DMPK: variants seen among roughly 807,000 people sequenced by gnomAD.
DMPK encodes the protein DM1 protein kinase, also known as myotonin-protein kinase.
In DMPK, 32 loss-of-function variants were observed where a neutral mutation model predicts 70.3. That is an observed-to-expected ratio of 0.46 (90% CI 0.34 to 0.61). DMPK has a LOEUF of 0.61. DMPK is among the 20% of genes least tolerant of loss of function. The pLI is 0.01. For synonymous variants in DMPK, 469 were observed against 390.9 expected (o/e 1.20, Z -2.36); for missense variants, 899 against 886.0 (o/e 1.01, Z -0.19).
chr19:45,770,133 C>CA lies in DMPK; in HGVS notation c.*354dup. 1 of 671,446 alleles carries CA rather than the reference C, an allele frequency of 1.5e-6. No individual in the cohort carries two copies. The highest frequency in any genetic ancestry group is 2.6e-6 in the Non-Finnish European group (1 of 390,414). 41.6% of individuals were successfully genotyped at this position (671,446 alleles called of 1,614,324 possible). On this transcript the variant is annotated 3_prime_UTR_variant, in exon 15 of 15. Transcript: ENST00000291270. ...CGGACGGCCCGGCTTGCTGCCTTCC[C>CA]AGGCCTGCAGTTTGCCCATCCACGT...
intron 8 of DMPK, chr19:45,776,699 A>G (rs939779494): frequency 6.6e-6 from 1 of 152,406 alleles, no homozygotes; most frequent in Non-Finnish European, 1.5e-5. Flanking sequence ...GGCTCAAGCA[A>G]TCCACCCACT....
chr19:45,770,188 A>G lies in DMPK; in HGVS notation c.*300T>C. The G allele has an allele frequency of 1.4e-6, 1 of 691,930 alleles. No individual in the cohort carries two copies. Among genetic ancestry groups the G allele is most frequent in the Non-Finnish European group, 2.3e-6 (1 of 426,976 alleles). 42.9% of individuals were successfully genotyped at this position (691,930 alleles called of 1,614,324 possible). A position where few individuals can be genotyped will look rare whatever the true frequency, so the allele number is the denominator to read the frequency against. On this transcript the variant is annotated 3_prime_UTR_variant, in exon 15 of 15. Coordinates refer to ENST00000291270, the MANE Select transcript of DMPK (RefSeq NM_004409.5). The stretch of plus-strand genomic sequence containing the variant: ...GCCTCAGCCTGGCCGAAAGAAAGAA[A>G]TGGTCTGTGATCCCCCCAGCAGCAG...
At chr19:45,774,643 C>T (rs1036426849) in intron 9 of DMPK, among the ~76,000 whole-genome samples, 1 of 152,104 alleles carries the variant, frequency 6.6e-6, no homozygotes, top group Non-Finnish European at 1.5e-5. Flanking sequence ...TTGTAAAAGT[C>T]TAAACTTCAT....
chr19:45,770,857 G>A (rs1395982978), intron 14 of DMPK, 114 bp downstream of exon 14: 9 of 1,012,938 alleles, frequency 8.9e-6, no homozygotes, highest in South Asian at 3.4e-5. Flanking sequence ...GCTGCCCGAA[G>A]ATCCGCCCTC....
chr19:45,779,695 TTCA>T, intron 2 of DMPK, 80 bp downstream of exon 2: 1 of 1,529,328 alleles, frequency 6.5e-7, no homozygotes, highest in South Asian at 1.3e-5. Flanking sequence ...GGCTCGGTCA[TTCA>T]TCAATTTCTA....
Position 45,771,560 on chromosome 19 carries a change from G to A in DMPK, c.1600+8C>T, listed in dbSNP as rs748532051. 3.1e-6 allele frequency: 5 copies of A among 1,613,902 alleles called. No homozygotes were observed. The highest frequency in any genetic ancestry group is 2.2e-5 in the South Asian group (2 of 91,076). ...TCCTCCGGGGAAGGGGACACATGAG[G>A]GACTCACCTGTGGCTCCCTCTGCCT... On this transcript the variant is annotated splice_region_variant and intron_variant, in intron 12 of 14. Coordinates refer to ENST00000291270, the MANE Select transcript of DMPK (RefSeq NM_004409.5).
At chr19:45,772,028 C>CT in intron 10 of DMPK, 100 bp from the exon 11 acceptor site, 1 of 1,397,996 alleles carries the variant, frequency 7.2e-7, no homozygotes, top group Non-Finnish European at 9.4e-7. Context: ...TCCCCTACTC[C>CT]TCCGTCCCCT....
In DMPK at chr19:45,770,007, C is replaced by CA. The variant is rs1319247770; in HGVS notation, c.*480dup. On this transcript the variant is annotated 3_prime_UTR_variant, in exon 15 of 15. Coordinates refer to ENST00000291270, the MANE Select transcript of DMPK (RefSeq NM_004409.5). ...AAAGCAAATTTCCCGAGTAAGCAGG[C>CA]AGAGATCGCGCCAGACGCTCCCCAG... The CA allele has an allele frequency of 2.8e-6, 1 of 355,646 alleles. No homozygotes were observed. The highest frequency in any genetic ancestry group is 6.2e-5 in the East Asian group (1 of 16,102). The allele number at this position is 355,646 out of a possible 1,614,324, so 22.0% of individuals were successfully genotyped here. A position where few individuals can be genotyped will look rare whatever the true frequency, so the allele number is the denominator to read the frequency against.
intron 8 of DMPK, 175 bp from the exon 9 acceptor site, chr19:45,775,209 C>A: frequency 1.7e-6 from 1 of 573,792 alleles, no homozygotes; most frequent in Admixed American, 2.9e-5. Context: ...GCTCTGTTAC[C>A]CAGGCTGGAG....
At position 45,777,860 on chromosome 19, in the gene DMPK, A is replaced by G. The variant is rs953664488; in HGVS notation, c.689T>C (p.Val230Ala). ...LRADGTVRSL[V>A]AVGTPDYLSP... ...CAGGTAGTCTGGGGTGCCCACAGCC[A>G]CCAGCGACCGCACCTGGACCAAAAG... Residue 230 changes from valine to alanine, a missense_variant, in exon 7 of 15, where the codon GTG (valine) becomes GCG (alanine). Physicochemically the swap from Val to Ala is moderately conservative, Grantham distance 64. Around this residue, in one of 3 missense-constraint regions of DMPK, gnomAD observed 195 missense variants for 259.7 expected, o/e 0.75. Transcript: ENST00000291270. The surrounding 1 kb of genome is among the most constrained non-coding windows in gnomAD (Gnocchi z 6.7). 3.2e-5 allele frequency: 52 copies of G among 1,608,800 alleles called. No individual in the cohort carries two copies. Among genetic ancestry groups the G allele is most frequent in the Non-Finnish European group, 4.2e-5 (49 of 1,179,544 alleles).
At chr19:45,770,884 C>T (rs964737897) in intron 14 of DMPK, 87 bp downstream of exon 14, 3 of 1,133,916 alleles carry the variant, frequency 2.6e-6, no homozygotes, top group South Asian at 1.7e-5. Context: ...TGGGCCCAGC[C>T]CCGCAAATGC....
chr19:45,779,163 G>C, intron 4 of DMPK, 101 bp downstream of exon 4: 1 of 1,230,148 alleles, frequency 8.1e-7, no homozygotes, highest in Non-Finnish European at 1.2e-6. Flanking sequence ...AGACGTTTCC[G>C]GGCAGCACCC....
Position 45,771,326 on chromosome 19 carries a change from G to A in DMPK, c.1647+24C>T, listed in dbSNP as rs777489712. 1.9e-5 allele frequency: 30 copies of A among 1,580,910 alleles called. No homozygotes were observed. In the South Asian group the frequency reaches 2.7e-4, roughly 14 times the overall value. The stretch of plus-strand genomic sequence containing the variant: ...CTGCAGAATGGGCAGCAGGTCTGAG[G>A]CAGGGGAAAGAGAGGGGTCTTACAT... On this transcript the variant is annotated intron_variant, in intron 13 of 14. Transcript: ENST00000291270.
intron 1 of DMPK, 28 bp downstream of exon 1, chr19:45,782,165 T>G: frequency 2.1e-6 from 1 of 470,520 alleles, no homozygotes; most frequent in Non-Finnish European, 3.2e-6. Flanking sequence ...CCACCCCATC[T>G]GCAGGAGCCC....
intron 13 of DMPK, 133 bp downstream of exon 13, chr19:45,771,217 T>G: frequency 3.0e-6 from 4 of 1,314,270 alleles, no homozygotes; most frequent in Non-Finnish European, 4.2e-6. Context: ...TGGGGCTGAA[T>G]AAAGGGCTTC....
chr19:45,773,498 A>C (rs766622379), intron 9 of DMPK, among the ~76,000 whole-genome samples: 1 of 152,168 alleles, frequency 6.6e-6, no homozygotes, highest in African/African-American at 2.4e-5. Flanking sequence ...GAAAAAAACA[A>C]ACCAAAAAAA....
intron 4 of DMPK, chr19:45,778,920 A>C: frequency 1.8e-6 from 1 of 553,196 alleles, no homozygotes; most frequent in Non-Finnish European, 3.2e-6. Flanking sequence ...CCCAGAGGCC[A>C]CCCAACACCC....
rs920757637 is a variant in DMPK at position 45,770,582 on chromosome 19, G to A, written c.1796C>T (p.Ser599Phe). 4.5e-6 allele frequency: 7 copies of A among 1,552,274 alleles called. No individual in the cohort carries two copies. Among genetic ancestry groups the A allele is most frequent in the Non-Finnish European group, 6.1e-6 (7 of 1,147,922 alleles). Residue 599 changes from serine to phenylalanine, a missense_variant, in exon 15 of 15, where the codon TCT becomes TTT. Ser to Phe is a radical substitution (Grantham distance 155). Around this residue, in one of 3 missense-constraint regions of DMPK, gnomAD observed 555 missense variants for 483.8 expected, o/e 1.15. Coordinates refer to ENST00000291270, the MANE Select transcript of DMPK (RefSeq NM_004409.5). The part of the protein sequence containing the change: ...LSLLLFAVVL[S>F]RAAALGCIGL... ...AATGCAGCCCAGGGCGGCGGCACGAGACAGAACAACGGCGAACAGGAGCAG... is the reference window on the plus strand; with the variant it reads ...AATGCAGCCCAGGGCGGCGGCACGAAACAGAACAACGGCGAACAGGAGCAG...
At chr19:45,779,016 C>T (rs1969949808) in intron 4 of DMPK, 1 of 591,220 alleles carries the variant, frequency 1.7e-6, no homozygotes, top group African/African-American at 1.9e-5. Flanking sequence ...TAAGAGACCC[C>T]CCGCAACAGA....
Sources: gnomAD v4.1 joint callset for allele counts (sites outside exome capture counted in the v4.1 genomes callset) on GRCh38, gnomAD v4.1.1 for gene constraint, gnomAD v4.1.1 regional missense constraint, Gnocchi (gnomAD v3.1) non-coding constraint, MANE v1.5 for transcripts, NCBI Gene and HGNC (gene_info 2026-07-23, HGNC 2026-07-21) for gene names.